PARP12: variants seen among roughly 807,000 people sequenced by gnomAD.
The protein encoded by PARP12 is protein mono-ADP-ribosyltransferase PARP12.
Under a neutral mutation model 72.4 loss-of-function variants are expected in PARP12, and 59 were observed. The observed-to-expected ratio is 0.81, with a 90% CI of 0.66 to 1.01. The LOEUF is 1.01. PARP12 is among the 50% of genes least tolerant of loss of function. The pLI is 0.00. For synonymous variants in PARP12, 403 were observed against 371.4 expected (o/e 1.09, Z -0.98); for missense variants, 851 against 914.0 (o/e 0.93, Z 0.89).
At chr7:140,043,422 C>A (rs553426475) in intron 5 of PARP12, among the ~76,000 whole-genome samples, 2 of 152,242 alleles carry the variant, frequency 1.3e-5, no homozygotes, top group African/African-American at 4.8e-5. Context: ...TAAAAACTGA[C>A]TGGGTAAATT....
At chr7:140,058,616 A>ACCCTG (rs1438471023) in intron 1 of PARP12, among the ~76,000 whole-genome samples, 1 of 152,084 alleles carries the variant, frequency 6.6e-6, no homozygotes, top group East Asian at 1.9e-4. Context: ...GAAGAAATCA[A>ACCCTG]CCCTGCCACC....
chr7:140,031,665 T>C (rs563977070), intron 8 of PARP12, among the ~76,000 whole-genome samples: 8 of 152,214 alleles, frequency 5.3e-5, no homozygotes, highest in Admixed American at 3.9e-4. Flanking sequence ...AAATCACCCA[T>C]ATCTTAGTCT....
intron 3 of PARP12, among the ~76,000 whole-genome samples, chr7:140,055,236 T>G (rs972134711): frequency 6.6e-6 from 1 of 152,190 alleles, no homozygotes; most frequent in African/African-American, 2.4e-5. Context: ...GCTAATTTTA[T>G]AAACTAGATT....
chr7:140,043,023 G>A (rs563757496), intron 5 of PARP12, among the ~76,000 whole-genome samples: 12 of 152,164 alleles, frequency 7.9e-5, no homozygotes, highest in South Asian at 2.1e-4. Context: ...GTGAAACCCC[G>A]TCTCTACTAA....
At chr7:140,053,428 C>A (rs536254289) in intron 4 of PARP12, among the ~76,000 whole-genome samples, 1 of 151,990 alleles carries the variant, frequency 6.6e-6, no homozygotes. Flanking sequence ...GTTTCCTGGG[C>A]GTGACAAACT....
rs952162883 is a variant in PARP12, at chr7:140,037,972, G to T, written c.1183-116C>A. The stretch of plus-strand genomic sequence containing the variant: ...TCCTGGTGGACAGTCCTGTGGTGGG[G>T]AAGATGGAGGCCAGGGAGCATGGTA... On this transcript the variant is annotated intron_variant, in intron 6 of 11. Coordinates refer to ENST00000263549, the MANE Select transcript of PARP12 (RefSeq NM_022750.4). 8.1e-6 allele frequency: 12 copies of T among 1,474,926 alleles called. No homozygotes were observed. The African/African-American group carries it at 1.5e-4, about 19-fold the overall frequency. The allele number at this position is 1,474,926 out of a possible 1,614,324, so 91.4% of individuals were successfully genotyped here.
chr7:140,057,936 T>A lies in PARP12; in HGVS notation c.425A>T (p.Gln142Leu), dbSNP rs768054863. 1 of 1,614,232 alleles carries A rather than the reference T, an allele frequency of 6.2e-7. No individual in the cohort carries two copies. The highest frequency in any genetic ancestry group is 1.7e-5 in the Admixed American group (1 of 60,030). ...VDHLSYNELC[Q>L]LLFQNDPWLL... is the part of the protein sequence containing the mutation. ...CCAGGGGTCGTTCTGAAACAAGAGTTGGCATAGCTCATTATAGCTCAGGTG... is the reference window on the plus strand; with the variant it reads ...CCAGGGGTCGTTCTGAAACAAGAGTAGGCATAGCTCATTATAGCTCAGGTG... The change falls in exon 2 of 12, where the codon CAA becomes CTA. Residue 142 changes from glutamine (Q) to leucine (L), a missense_variant. Physicochemically the swap from Gln to Leu is moderately radical, Grantham distance 113. This residue lies in a region of PARP12 where 492 missense variants were observed against 489.3 expected (regional missense o/e 1.01). Coordinates refer to ENST00000263549, the MANE Select transcript of PARP12 (RefSeq NM_022750.4).
At chr7:140,030,197 T>C (rs970742756) in intron 8 of PARP12, among the ~76,000 whole-genome samples, 1 of 152,144 alleles carries the variant, frequency 6.6e-6, no homozygotes, top group Non-Finnish European at 1.5e-5. Context: ...AAAGCAACAG[T>C]GGAAGCCAGA....
At chr7:140,045,538 G>C (rs1157314544) in intron 5 of PARP12, among the ~76,000 whole-genome samples, 1 of 152,162 alleles carries the variant, frequency 6.6e-6, no homozygotes, top group African/African-American at 2.4e-5. Context: ...AAGTGTCCAA[G>C]GTTCTTTCAT....
At chr7:140,049,092 C>T (rs1387006423) in intron 4 of PARP12, among the ~76,000 whole-genome samples, 1 of 151,892 alleles carries the variant, frequency 6.6e-6, no homozygotes, top group African/African-American at 2.4e-5. Context: ...CTTTCCCAGG[C>T]TCTGCAAAAG....
intron 7 of PARP12, chr7:140,034,870 T>A (rs1304103033): frequency 6.5e-6 from 1 of 153,374 alleles, no homozygotes; most frequent in African/African-American, 2.4e-5. Flanking sequence ...AACTGGCCCC[T>A]CAAGTTGAAA....
chr7:140,028,218 T>C (rs991881726), intron 9 of PARP12, among the ~76,000 whole-genome samples: 5 of 152,130 alleles, frequency 3.3e-5, no homozygotes, highest in Non-Finnish European at 4.4e-5. Flanking sequence ...GTGAATGCCT[T>C]CCCTCCTGAC....
chr7:140,030,598 AATACATAC>A (rs773340591), intron 8 of PARP12, among the ~76,000 whole-genome samples: 4 of 142,300 alleles, frequency 2.8e-5, no homozygotes, highest in Admixed American at 2.7e-4. Flanking sequence ...TCCATCTCAA[AATACATAC>A]ATACATACAT....
chr7:140,061,565 T>C (rs1817445193), intron 1 of PARP12, among the ~76,000 whole-genome samples: 1 of 152,174 alleles, frequency 6.6e-6, no homozygotes. Context: ...CTCCCTTAAA[T>C]TGGCACCCAC....
At chr7:140,047,098 G>A in intron 4 of PARP12, 91 bp from the exon 5 acceptor site, 3 of 1,396,436 alleles carry the variant, frequency 2.1e-6, no homozygotes, top group Non-Finnish European at 2.9e-6. Flanking sequence ...GCTGCCCACT[G>A]ACCTGGGAAC....
At chr7:140,036,294 C>T (rs907080655) in intron 7 of PARP12, among the ~76,000 whole-genome samples, 24 of 152,224 alleles carry the variant, frequency 1.6e-4, no homozygotes, top group Non-Finnish European at 3.2e-4. Flanking sequence ...TTGCTGTCAG[C>T]AGCAGTCAGA....
chr7:140,031,435 C>T (rs1002558404), intron 8 of PARP12, among the ~76,000 whole-genome samples: 2 of 152,184 alleles, frequency 1.3e-5, no homozygotes, highest in Non-Finnish European at 2.9e-5. Flanking sequence ...ATTATGACTT[C>T]TGAATATGGA....
chr7:140,027,492 G>T, intron 9 of PARP12, 86 bp from the exon 10 acceptor site: 1 of 1,520,648 alleles, frequency 6.6e-7, no homozygotes. Context: ...GTAAACACTA[G>T]AACCGCAGAA....
intron 4 of PARP12, among the ~76,000 whole-genome samples, chr7:140,052,128 G>C (rs1294724241): frequency 6.6e-6 from 1 of 152,178 alleles, no homozygotes; most frequent in African/African-American, 2.4e-5. Context: ...TCAGGATCTT[G>C]ATACCACTTG....
Sources: allele counts gnomAD v4.1 joint callset (sites outside exome capture counted in the v4.1 genomes callset), GRCh38; gene constraint gnomAD v4.1.1; regional missense constraint gnomAD v4.1.1; transcripts MANE v1.5; gene names NCBI Gene and HGNC (gene_info 2026-07-23, HGNC 2026-07-21).